The following TRHR variants were observed in gnomAD, a reference collection of about 807,000 sequenced individuals.
The protein encoded by TRHR is thyrotropin-releasing hormone receptor.
TRHR carries 14 observed loss-of-function variants against 28.0 expected under a neutral mutation model. That is an observed-to-expected ratio of 0.50 (90% CI 0.33 to 0.78). The LOEUF (loss-of-function observed/expected upper bound fraction) is 0.78. Among genes scored for constraint, TRHR ranks in the 30% least tolerant of loss-of-function variants. The pLI is 0.02. For synonymous variants in TRHR, 176 were observed against 171.9 expected (o/e 1.02, Z -0.18); for missense variants, 438 against 469.5 (o/e 0.93, Z 0.62).
intron 2 of TRHR, among the ~76,000 whole-genome samples, chr8:109,089,515 A>C (rs1210506950): frequency 6.6e-6 from 1 of 152,158 alleles, no homozygotes; most frequent in Non-Finnish European, 1.5e-5. Flanking sequence ...ATGAGCCATA[A>C]CTTAAAGGAA....
At chr8:109,113,824 T>C (rs1811875008) in intron 2 of TRHR, among the ~76,000 whole-genome samples, 1 of 152,132 alleles carries the variant, frequency 6.6e-6, no homozygotes, top group African/African-American at 2.4e-5. Flanking sequence ...TAGCAGTAGT[T>C]ACAATAATAG....
rs148198766 is a variant in TRHR at position 109,093,370 on chromosome 8, C to T, written c.789+5069C>T. On this transcript the variant is annotated intron_variant, in intron 2 of 2. Coordinates refer to ENST00000518632, the MANE Select transcript of TRHR (RefSeq NM_003301.7). ...GTGTCTTCCGTCTTCTCCCCTGCCTCACTCCAACTCCTACCTCTAGTGCTA... is the reference window on the plus strand; with the variant it reads ...GTGTCTTCCGTCTTCTCCCCTGCCTTACTCCAACTCCTACCTCTAGTGCTA... 2.6e-3 allele frequency among the ~76,000 whole-genome samples: 388 copies of T among 150,534 alleles called. 2 individuals carry two copies. Among genetic ancestry groups the T allele is most frequent in the African/African-American group, 8.9e-3 (366 of 40,960 alleles).
intron 2 of TRHR, among the ~76,000 whole-genome samples, chr8:109,098,138 CT>C (rs375844081): frequency 5.0e-4 from 73 of 145,454 alleles, no homozygotes; most frequent in Admixed American, 4.1e-4. Context: ...TTTCTTTTTT[CT>C]TTTTTTTTTT....
intron 2 of TRHR, among the ~76,000 whole-genome samples, chr8:109,116,229 T>C (rs1170174346): frequency 1.3e-5 from 2 of 152,172 alleles, no homozygotes; most frequent in Non-Finnish European, 2.9e-5. Context: ...GACTTTTGCA[T>C]CGATGTTCAT....
At chr8:109,100,547 A>G (rs1482164004) in intron 2 of TRHR, among the ~76,000 whole-genome samples, 1 of 152,178 alleles carries the variant, frequency 6.6e-6, no homozygotes, top group African/African-American at 2.4e-5. Context: ...AGATTCGGAC[A>G]GATTTGCATC....
intron 2 of TRHR, among the ~76,000 whole-genome samples, chr8:109,109,233 GT>G (rs1181511412): frequency 6.6e-6 from 1 of 151,882 alleles, no homozygotes; most frequent in Non-Finnish European, 1.5e-5. Context: ...TTGTTTTTAG[GT>G]TTTTCAAATT....
chr8:109,104,374 G>A (rs927733914), intron 2 of TRHR, among the ~76,000 whole-genome samples: 3 of 152,050 alleles, frequency 2.0e-5, no homozygotes, highest in Non-Finnish European at 2.9e-5. Flanking sequence ...TTTTCTGAAA[G>A]AGAAATAGAA....
intron 1 of TRHR, 57 bp from the exon 2 acceptor site, chr8:109,087,368 G>A: frequency 1.1e-6 from 1 of 871,950 alleles, no homozygotes; most frequent in Non-Finnish European, 1.8e-6. Flanking sequence ...ATTTGTGATT[G>A]GGACTTGATC....
At chr8:109,102,818 T>C (rs946288671) in intron 2 of TRHR, among the ~76,000 whole-genome samples, 4 of 152,132 alleles carry the variant, frequency 2.6e-5, no homozygotes, top group African/African-American at 9.7e-5. Context: ...TGAATTTCTT[T>C]GTGACATCTA....
intron 2 of TRHR, among the ~76,000 whole-genome samples, chr8:109,104,995 A>G (rs1435204056): frequency 3.3e-5 from 5 of 152,154 alleles, no homozygotes; most frequent in Admixed American, 2.0e-4. Context: ...ATGTCTGATT[A>G]TCTAACAATA....
chr8:109,099,363 T>TAA (rs1811644011), intron 2 of TRHR, among the ~76,000 whole-genome samples: 1 of 152,116 alleles, frequency 6.6e-6, no homozygotes, highest in African/African-American at 2.4e-5. Context: ...TAGCTAGAAA[T>TAA]AAAAGGACCT....
At chr8:109,092,826 G>GA (rs139428318) in intron 2 of TRHR, among the ~76,000 whole-genome samples, 20,693 of 152,006 alleles carry the variant, frequency 0.14, 1,629 homozygotes, top group African/African-American at 0.21. Flanking sequence ...GTGTATTATG[G>GA]AAAATATAGA....
intron 1 of TRHR, 76 bp from the exon 2 acceptor site, chr8:109,087,349 G>A (rs1037625722): frequency 1.3e-6 from 1 of 770,048 alleles, no homozygotes; most frequent in Non-Finnish European, 2.2e-6. Context: ...AGGAGTGGAA[G>A]TGACGGTTAT....
At position 109,120,957 on chromosome 8, in the gene TRHR, C is replaced by G. The variant is rs928303993; in HGVS notation, c.*1502C>G. The stretch of plus-strand genomic sequence containing the variant: ...CCCTATTTTATGGACTTTTCTAGAA[C>G]CTAATCGCTAATGATAATTATGCCT... On this transcript the variant is annotated 3_prime_UTR_variant, in exon 3 of 3. Coordinates refer to ENST00000518632, the MANE Select transcript of TRHR (RefSeq NM_003301.7). Among the ~76,000 whole-genome samples, 1 of 151,488 alleles carries G rather than the reference C, an allele frequency of 6.6e-6. No individual in the cohort carries two copies. Among genetic ancestry groups the G allele is most frequent in the African/African-American group, 2.4e-5 (1 of 41,286 alleles).
At chr8:109,099,755 C>T (rs958423070) in intron 2 of TRHR, among the ~76,000 whole-genome samples, 3 of 152,172 alleles carry the variant, frequency 2.0e-5, no homozygotes, top group African/African-American at 7.2e-5. Context: ...CTTTCATAAA[C>T]AACACTGGTG....
At chr8:109,114,771 T>C (rs189046407) in intron 2 of TRHR, among the ~76,000 whole-genome samples, 53 of 152,196 alleles carry the variant, frequency 3.5e-4, no homozygotes, top group South Asian at 4.1e-4. Flanking sequence ...CCCAAGTTTA[T>C]ATCAAGGGTT....
Position 109,088,232 on chromosome 8 carries a change from T to A in TRHR, c.720T>A (p.His240Gln). Reference protein sequence around the residue: ...NSKTWKNDSTHQNTNLNVNTS... With the variant: ...NSKTWKNDSTQQNTNLNVNTS... ...AGACATGGAAAAATGATTCAACCCATCAGAACACAAATCTGAATGTAAATA... is the reference window on the plus strand; with the variant it reads ...AGACATGGAAAAATGATTCAACCCAACAGAACACAAATCTGAATGTAAATA... The change falls in exon 2 of 3, where the codon CAT becomes CAA. Residue 240 changes from histidine to glutamine, a missense_variant. By Grantham distance (24) the His-to-Gln change is conservative (BLOSUM62 0). Transcript: ENST00000518632. The A allele has an allele frequency of 1.9e-6, 3 of 1,614,028 alleles. No homozygotes were observed. Among genetic ancestry groups the A allele is most frequent in the Non-Finnish European group, 2.5e-6 (3 of 1,180,012 alleles).
intron 2 of TRHR, among the ~76,000 whole-genome samples, chr8:109,117,074 A>G (rs1811933162): frequency 6.6e-6 from 1 of 152,044 alleles, no homozygotes; most frequent in Non-Finnish European, 1.5e-5. Flanking sequence ...AGTTGTAGGG[A>G]AAGATAAAGG....
rs908327250 is a variant in TRHR at position 109,119,850 on chromosome 8, T to G, written c.*395T>G. On this transcript the variant is annotated 3_prime_UTR_variant, in exon 3 of 3. Coordinates refer to ENST00000518632, the MANE Select transcript of TRHR (RefSeq NM_003301.7). ...TAATTTATTTATACATTCGATAATT[T>G]GACAACATGCAGATTTTTAAATGTT... Among the ~76,000 whole-genome samples the G allele has an allele frequency of 6.6e-6, 1 of 152,034 alleles. No individual in the cohort carries two copies. The highest frequency in any genetic ancestry group is 2.1e-4 in the South Asian group (1 of 4,828).
Sources: gnomAD v4.1 joint callset for allele counts (sites outside exome capture counted in the v4.1 genomes callset) on GRCh38, gnomAD v4.1.1 for gene constraint, MANE v1.5 for transcripts, NCBI Gene and HGNC (gene_info 2026-07-23, HGNC 2026-07-21) for gene names.